Variants in KIRREL3 observed in about 807,000 individuals in gnomAD.
KIRREL3 encodes kirre like nephrin family adhesion molecule 3.
A neutral mutation model predicts 89.7 loss-of-function variants in KIRREL3; 36 were observed. The ratio of observed to expected loss-of-function variants is 0.40; its 90% CI spans 0.31 to 0.53. KIRREL3 has a LOEUF of 0.53. KIRREL3 is among the 20% of genes least tolerant of loss of function. The pLI is 0.49. For missense variants in KIRREL3, 864 were observed against 1,056.6 expected (o/e 0.82, Z 2.53); for synonymous variants, 445 against 441.4 (o/e 1.01, Z -0.10).
Position 126,697,449 on chromosome 11 carries a change from C to T in KIRREL3, c.56-134537G>A, listed in dbSNP as rs536035905. ...CCAAAGCTTTTCCCACAGACCCTGACTCAGAGGAGATATTCAATGAATGCT... is the reference window on the plus strand; with the variant it reads ...CCAAAGCTTTTCCCACAGACCCTGATTCAGAGGAGATATTCAATGAATGCT... On this transcript the variant is annotated intron_variant, in intron 1 of 16. Transcript: ENST00000525144. This position sits in a 1 kb window ranked among gnomAD's most constrained non-coding sequence, Gnocchi z 4.2. 1.3e-5 allele frequency among the ~76,000 whole-genome samples: 2 copies of T among 152,330 alleles called. No homozygotes were observed. The highest frequency in any genetic ancestry group is 4.1e-4 in the South Asian group (2 of 4,830).
At chr11:126,595,751 C>T (rs941750621) in intron 1 of KIRREL3, among the ~76,000 whole-genome samples, 15 of 152,156 alleles carry the variant, frequency 9.9e-5, no homozygotes, top group African/African-American at 3.4e-4. Flanking sequence ...CCCTTAGGAG[C>T]GATGGGGGAC....
rs1020096106 is a variant in KIRREL3 at position 126,454,535 on chromosome 11, T to A, written c.848+1814A>T. 2.0e-5 allele frequency among the ~76,000 whole-genome samples: 3 copies of A among 152,074 alleles called. No homozygotes were observed. Among genetic ancestry groups the A allele is most frequent in the Non-Finnish European group, 2.9e-5 (2 of 67,992 alleles). The stretch of plus-strand genomic sequence containing the variant: ...CTGGGAAGCTAGCATGACAGATATT[T>A]TCTGGGCATGTTGTACCTGGTGTTT... On this transcript the variant is annotated intron_variant, in intron 7 of 16. Transcript: ENST00000525144. The surrounding 1 kb of genome is among the most constrained non-coding windows in gnomAD (Gnocchi z 5.8).
Position 126,703,667 on chromosome 11 carries a change from T to C in KIRREL3, c.56-140755A>G, listed in dbSNP as rs1947402345. Among the ~76,000 whole-genome samples the C allele has an allele frequency of 6.6e-6, 1 of 152,196 alleles. No individual in the cohort carries two copies. Among genetic ancestry groups the C allele is most frequent in the African/African-American group, 2.4e-5 (1 of 41,448 alleles). On this transcript the variant is annotated intron_variant, in intron 1 of 16. Transcript: ENST00000525144. This position sits in a 1 kb window ranked among gnomAD's most constrained non-coding sequence, Gnocchi z 4.6. ...CATGATACAAAAGAGATGTCTGTTTTCCTGAGGCCCACGGGCAGGGGAGGC... is the reference window on the plus strand; with the variant it reads ...CATGATACAAAAGAGATGTCTGTTTCCCTGAGGCCCACGGGCAGGGGAGGC...
chr11:126,825,780 G>A (rs538930637), intron 1 of KIRREL3, among the ~76,000 whole-genome samples: 1 of 152,160 alleles, frequency 6.6e-6, no homozygotes, highest in Non-Finnish European at 1.5e-5. Flanking sequence ...AGTGAGGTAG[G>A]TACTTCCACT....
intron 9 of KIRREL3, among the ~76,000 whole-genome samples, chr11:126,445,615 C>T (rs576401419): frequency 2.6e-5 from 4 of 152,190 alleles, no homozygotes; most frequent in South Asian, 4.1e-4. Context: ...GGTCTGCGTT[C>T]GAATCCCGGC....
At chr11:126,910,246 G>T (rs1466540265) in intron 1 of KIRREL3, among the ~76,000 whole-genome samples, 1 of 152,132 alleles carries the variant, frequency 6.6e-6, no homozygotes, top group African/African-American at 2.4e-5. Context: ...TGGAAGGGAG[G>T]CAGCCTTTGA....
chr11:126,951,502 G>A (rs1231760944), intron 1 of KIRREL3, among the ~76,000 whole-genome samples: 2 of 152,154 alleles, frequency 1.3e-5, no homozygotes, highest in Admixed American at 6.5e-5. Flanking sequence ...GAGATTATCG[G>A]GGGTATCTGC....
Position 126,830,359 on chromosome 11 carries a change from T to C in KIRREL3, c.55+170096A>G, listed in dbSNP as rs1482568780. Among the ~76,000 whole-genome samples, 4 of 152,190 alleles carry C rather than the reference T, an allele frequency of 2.6e-5. No individual in the cohort carries two copies. The highest frequency in any genetic ancestry group is 5.9e-5 in the Non-Finnish European group (4 of 68,038). Reference sequence around the variant, plus strand: ...GCTTCATAAGTATGAACAGCATCATTACCAAGTGGCGCCCACAGAATGGAA... The same window carrying C: ...GCTTCATAAGTATGAACAGCATCATCACCAAGTGGCGCCCACAGAATGGAA... On this transcript the variant is annotated intron_variant, in intron 1 of 16. Coordinates refer to ENST00000525144, the MANE Select transcript of KIRREL3 (RefSeq NM_032531.4). The surrounding 1 kb of genome is among the most constrained non-coding windows in gnomAD (Gnocchi z 4.9).
intron 1 of KIRREL3, among the ~76,000 whole-genome samples, chr11:126,958,582 T>C (rs1948992166): frequency 6.6e-6 from 1 of 152,212 alleles, no homozygotes; most frequent in Non-Finnish European, 1.5e-5. Flanking sequence ...TTTCACTAAA[T>C]TTGATGGTAT....
Position 126,570,089 on chromosome 11 carries a change from C to T in KIRREL3, c.56-7177G>A, listed in dbSNP as rs910500100. ...GTGGAGTAGCAAAGGTATATTAATC[C>T]TGACTAGTGCCTGGCCCTGGACCTC... On this transcript the variant is annotated intron_variant, in intron 1 of 16. Transcript: ENST00000525144. This position sits in a 1 kb window ranked among gnomAD's most constrained non-coding sequence, Gnocchi z 6.1. Among the ~76,000 whole-genome samples the T allele has an allele frequency of 2.0e-5, 3 of 152,084 alleles. No homozygotes were observed. Among genetic ancestry groups the T allele is most frequent in the East Asian group, 1.9e-4 (1 of 5,184 alleles).
chr11:126,741,674 G>C (rs1412487144), intron 1 of KIRREL3, among the ~76,000 whole-genome samples: 7 of 152,242 alleles, frequency 4.6e-5, no homozygotes, highest in African/African-American at 1.7e-4. Context: ...AGACTCTTGT[G>C]CATAGAAAGG....
At position 126,556,458 on chromosome 11, in the gene KIRREL3, T is replaced by C. The variant is rs543921882; in HGVS notation, c.133+6377A>G. ...GGGTTTGAGACCAGTCTGGGCAACA[T>C]AGTGAGGCACTGTCTCTACGAAAAT... On this transcript the variant is annotated intron_variant, in intron 2 of 16. Coordinates refer to ENST00000525144, the MANE Select transcript of KIRREL3 (RefSeq NM_032531.4). 3.3e-5 allele frequency among the ~76,000 whole-genome samples: 5 copies of C among 152,156 alleles called. No homozygotes were observed. In the South Asian group the frequency reaches 1.0e-3, roughly 32 times the overall value.
intron 1 of KIRREL3, among the ~76,000 whole-genome samples, chr11:126,982,171 G>C (rs1439992148): frequency 6.6e-6 from 1 of 152,164 alleles, no homozygotes; most frequent in Non-Finnish European, 1.5e-5. Flanking sequence ...CTGAACATTT[G>C]AGAAACCTAT....
chr11:127,001,605 C>A (rs369913842), upstream of KIRREL3, among the ~76,000 whole-genome samples: 2 of 152,098 alleles, frequency 1.3e-5, no homozygotes, highest in South Asian at 4.2e-4. Flanking sequence ...TAGACAACTG[C>A]GTCCTAAGGA....
chr11:126,517,499 T>C (rs974109955), intron 4 of KIRREL3, among the ~76,000 whole-genome samples: 10 of 151,952 alleles, frequency 6.6e-5, no homozygotes, highest in Non-Finnish European at 1.3e-4. Context: ...AGAGGGGTGG[T>C]TGGGGGGGAT....
chr11:126,789,807 T>A (rs1950584433), intron 1 of KIRREL3, among the ~76,000 whole-genome samples: 1 of 152,222 alleles, frequency 6.6e-6, no homozygotes, highest in Non-Finnish European at 1.5e-5. Context: ...GTTAGCTTCT[T>A]CCTCTTTTCC....
intron 1 of KIRREL3, among the ~76,000 whole-genome samples, chr11:126,582,489 G>A (rs1319689700): frequency 1.3e-5 from 2 of 152,332 alleles, no homozygotes; most frequent in African/African-American, 2.4e-5. Flanking sequence ...GGAAGAAAAT[G>A]AAACCCAGTG....
Position 126,638,459 on chromosome 11 carries a change from T to C in KIRREL3, c.56-75547A>G, listed in dbSNP as rs112600102. ...GCTGAGCTAAACCCAAGAGTTGTTC[T>C]GTGTTCTATACTGAGTCTGGCCTAG... On this transcript the variant is annotated intron_variant, in intron 1 of 16. Coordinates refer to ENST00000525144, the MANE Select transcript of KIRREL3 (RefSeq NM_032531.4). Among the ~76,000 whole-genome samples, 927 of 152,354 alleles carry C rather than the reference T, an allele frequency of 6.1e-3. 14 individuals are homozygous for C. The highest frequency in any genetic ancestry group is 0.021 in the African/African-American group (869 of 41,578).
At chr11:126,460,204 G>C (rs550114047) in intron 6 of KIRREL3, among the ~76,000 whole-genome samples, 1 of 152,254 alleles carries the variant, frequency 6.6e-6, no homozygotes, top group African/African-American at 2.4e-5. Flanking sequence ...CGGTGAGCGC[G>C]GGGACAAATG....
Sources: gnomAD v4.1 joint callset for allele counts (sites outside exome capture counted in the v4.1 genomes callset) on GRCh38, gnomAD v4.1.1 for gene constraint, Gnocchi (gnomAD v3.1) non-coding constraint, MANE v1.5 for transcripts, NCBI Gene and HGNC (gene_info 2026-07-23, HGNC 2026-07-21) for gene names.